The following DCLK2 variants were observed in gnomAD, a reference collection of about 807,000 sequenced individuals.
DCLK2 encodes serine/threonine-protein kinase DCLK2.
In DCLK2, 31 loss-of-function variants were observed where a neutral mutation model predicts 78.4. That is an observed-to-expected ratio of 0.40 (90% CI 0.30 to 0.53). The LOEUF is 0.53. Among genes scored for constraint, DCLK2 ranks in the 20% least tolerant of loss-of-function variants. The pLI is 0.61. For synonymous variants in DCLK2, 407 were observed against 374.9 expected (o/e 1.09, Z -0.99); for missense variants, 872 against 973.7 (o/e 0.90, Z 1.39).
chr4:150,156,750 T>C (rs937468874), intron 2 of DCLK2, among the ~76,000 whole-genome samples: 2 of 69,582 alleles, frequency 2.9e-5, no homozygotes. Context: ...ATTTTATTTA[T>C]TTATTTATTT....
chr4:150,240,870 G>A (rs1193985806), intron 12 of DCLK2, among the ~76,000 whole-genome samples: 1 of 151,892 alleles, frequency 6.6e-6, no homozygotes. Context: ...TGGGTGTGAG[G>A]TGAAGGCCTT....
chr4:150,147,477 A>T (rs2150223395), intron 2 of DCLK2, among the ~76,000 whole-genome samples: 1 of 152,356 alleles, frequency 6.6e-6, no homozygotes, highest in Non-Finnish European at 1.5e-5. Context: ...ATTTTGATAT[A>T]AACAGGTTGA....
At chr4:150,201,449 G>A (rs1739445299) in intron 4 of DCLK2, among the ~76,000 whole-genome samples, 1 of 152,166 alleles carries the variant, frequency 6.6e-6, no homozygotes, top group South Asian at 2.1e-4. Flanking sequence ...CAAGCACATT[G>A]TTTAGAACTT....
intron 10 of DCLK2, among the ~76,000 whole-genome samples, chr4:150,239,011 T>G (rs1742706017): frequency 1.3e-5 from 2 of 152,184 alleles, no homozygotes. Context: ...AGTGCTTTGG[T>G]GGACACTTAA....
intron 14 of DCLK2, 113 bp from the exon 15 acceptor site, chr4:150,249,455 T>C: frequency 1.3e-6 from 1 of 796,722 alleles, no homozygotes; most frequent in South Asian, 1.5e-5. Context: ...GAGGGGCCCA[T>C]TTAGGAAGAG....
At position 150,226,062 on chromosome 4, in the gene DCLK2, T is replaced by G. The variant is rs149003100; in HGVS notation, c.1299+1504T>G. Among the ~76,000 whole-genome samples the G allele has an allele frequency of 6.8e-4, 103 of 152,280 alleles. 1 individual carries two copies. Among genetic ancestry groups the G allele is most frequent in the African/African-American group, 2.3e-3 (95 of 41,574 alleles). Reference sequence around the variant, plus strand: ...TTATAATTAGCAGGATTTGATCTGATAGTTGTCATTTTATAGTTATGGAAC... The same window carrying G: ...TTATAATTAGCAGGATTTGATCTGAGAGTTGTCATTTTATAGTTATGGAAC... On this transcript the variant is annotated intron_variant, in intron 8 of 15. Transcript: ENST00000296550.
chr4:150,224,621 T>C, intron 8 of DCLK2, 63 bp downstream of exon 8: 1 of 1,415,716 alleles, frequency 7.1e-7, no homozygotes, highest in Non-Finnish European at 9.7e-7. Flanking sequence ...GTGTTTACTG[T>C]GATGAAGGAA....
At chr4:150,119,900 C>G (rs1193982438) in intron 2 of DCLK2, among the ~76,000 whole-genome samples, 5 of 152,116 alleles carry the variant, frequency 3.3e-5, no homozygotes, top group African/African-American at 1.2e-4. Flanking sequence ...AAAGTGAATT[C>G]AAGTGACTTT....
At chr4:150,136,979 C>CTT (rs35729685) in intron 2 of DCLK2, among the ~76,000 whole-genome samples, 1,119 of 82,328 alleles carry the variant, frequency 0.014, 42 homozygotes, top group Middle Eastern at 0.033. Context: ...TCTTCTTCTT[C>CTT]TTTTTTTTTT....
chr4:150,233,438 C>T (rs1742233979), intron 10 of DCLK2, among the ~76,000 whole-genome samples: 1 of 152,138 alleles, frequency 6.6e-6, no homozygotes, highest in Non-Finnish European at 1.5e-5. Context: ...ATTGATGGTA[C>T]TGACTTAAAG....
rs1730971000 is a variant in DCLK2 at position 150,102,672 on chromosome 4, G to T, written c.616G>T (p.Val206Leu). The change falls in exon 2 of 16, where the codon GTG becomes TTG. Residue 206 changes from valine (V) to leucine (L), a missense_variant. Val to Leu is a conservative substitution (Grantham distance 32). Transcript: ENST00000296550. ...PKLVTVIRSG[V>L]KPRKAVRILL... Reference sequence around the variant, plus strand: ...GTTAGTGACTGTGATTCGAAGTGGAGTGAAGCCTAGAAAAGCCGTGCGGAT... The same window carrying T: ...GTTAGTGACTGTGATTCGAAGTGGATTGAAGCCTAGAAAAGCCGTGCGGAT... 2 of 1,614,020 alleles carry T rather than the reference G, an allele frequency of 1.2e-6. No individual in the cohort carries two copies. Among genetic ancestry groups the T allele is most frequent in the Admixed American group, 1.7e-5 (1 of 59,982 alleles).
intron 2 of DCLK2, among the ~76,000 whole-genome samples, chr4:150,169,255 G>A (rs1305548820): frequency 2.0e-5 from 3 of 152,154 alleles, no homozygotes; most frequent in African/African-American, 7.2e-5. Context: ...TGATGCTTTA[G>A]GGTTATCATA....
intron 2 of DCLK2, among the ~76,000 whole-genome samples, chr4:150,150,637 CT>C (rs1560814315): frequency 1.3e-5 from 2 of 152,168 alleles, no homozygotes; most frequent in African/African-American, 4.8e-5. Flanking sequence ...CCTGACACTT[CT>C]ATTTATGTTG....
intron 1 of DCLK2, among the ~76,000 whole-genome samples, chr4:150,097,911 A>G (rs1730582820): frequency 6.6e-6 from 1 of 152,238 alleles, no homozygotes; most frequent in Non-Finnish European, 1.5e-5. Context: ...GAGAATGAAT[A>G]TGGATATATG....
chr4:150,170,692 G>T (rs1441847938), intron 2 of DCLK2, among the ~76,000 whole-genome samples: 1 of 152,136 alleles, frequency 6.6e-6, no homozygotes, highest in East Asian at 1.9e-4. Context: ...AATTGGAACT[G>T]CAATATTAAG....
At chr4:150,223,057 A>G (rs930239577) in intron 7 of DCLK2, among the ~76,000 whole-genome samples, 3 of 152,136 alleles carry the variant, frequency 2.0e-5, no homozygotes, top group Admixed American at 6.5e-5. Flanking sequence ...TTTGGTAACT[A>G]CAGTTTTTCT....
chr4:150,224,338 C>T (rs1457752578), intron 7 of DCLK2, among the ~76,000 whole-genome samples, 163 bp from the exon 8 acceptor site: 1 of 147,172 alleles, frequency 6.8e-6, no homozygotes, highest in African/African-American at 2.5e-5. Context: ...GAGGCTGAGA[C>T]AGGAGGATCA....
chr4:150,091,767 TTATG>T (rs1553952604), intron 1 of DCLK2, among the ~76,000 whole-genome samples: 10,951 of 133,622 alleles, frequency 0.082, 496 homozygotes, highest in Non-Finnish European at 0.1. Flanking sequence ...AAAGGAACAT[TTATG>T]TGTGTGTGTG....
chr4:150,206,245 C>A (rs1739833427), intron 5 of DCLK2, among the ~76,000 whole-genome samples: 1 of 152,074 alleles, frequency 6.6e-6, no homozygotes, highest in South Asian at 2.1e-4. Context: ...ATTTTTAAAA[C>A]CTAATAAATT....
Sources: gnomAD v4.1 joint callset for allele counts (sites outside exome capture counted in the v4.1 genomes callset) on GRCh38, gnomAD v4.1.1 for gene constraint, MANE v1.5 for transcripts, NCBI Gene and HGNC (gene_info 2026-07-23, HGNC 2026-07-21) for gene names.